Variants in KHDRBS3 observed in about 807,000 individuals in gnomAD.
The protein encoded by KHDRBS3 is KH domain-containing, RNA-binding, signal transduction-associated protein 3.
KHDRBS3 carries 23 observed loss-of-function variants against 45.6 expected under a neutral mutation model. The ratio of observed to expected loss-of-function variants is 0.50; its 90% CI spans 0.36 to 0.72. KHDRBS3 has a LOEUF of 0.72. Among genes scored for constraint, KHDRBS3 ranks in the 30% least tolerant of loss-of-function variants. KHDRBS3 has a pLI of 0.00. For synonymous variants in KHDRBS3, 162 were observed against 156.5 expected (o/e 1.04, Z -0.26); for missense variants, 352 against 424.8 (o/e 0.83, Z 1.51).
At chr8:135,629,717 T>C (rs777187413) in intron 7 of KHDRBS3, among the ~76,000 whole-genome samples, 1 of 152,176 alleles carries the variant, frequency 6.6e-6, no homozygotes, top group Non-Finnish European at 1.5e-5. Context: ...GGAGAGGCAT[T>C]GGATTGAGGT....
intron 7 of KHDRBS3, among the ~76,000 whole-genome samples, chr8:135,624,937 G>A (rs927372150): frequency 6.6e-5 from 10 of 152,014 alleles, no homozygotes; most frequent in African/African-American, 2.2e-4. Flanking sequence ...TGAGCCCCAC[G>A]GTCAGCCTCT....
intron 3 of KHDRBS3, among the ~76,000 whole-genome samples, chr8:135,547,473 C>T (rs779312895): frequency 6.6e-6 from 1 of 152,174 alleles, no homozygotes; most frequent in African/African-American, 2.4e-5. Context: ...TACATACAGT[C>T]TGTCTAAACT....
intron 2 of KHDRBS3, among the ~76,000 whole-genome samples, chr8:135,537,592 T>C (rs1411302743): frequency 6.6e-5 from 10 of 152,202 alleles, no homozygotes; most frequent in African/African-American, 2.4e-4. Flanking sequence ...TATGTGACTT[T>C]TCCTGATTAG....
intron 6 of KHDRBS3, among the ~76,000 whole-genome samples, chr8:135,592,336 G>T (rs551611571): frequency 1.3e-5 from 2 of 152,010 alleles, no homozygotes; most frequent in African/African-American, 2.4e-5. Flanking sequence ...TGTCATTAAG[G>T]CATGGAAAGC....
At chr8:135,585,601 A>G (rs1272576367) in intron 6 of KHDRBS3, among the ~76,000 whole-genome samples, 1 of 152,186 alleles carries the variant, frequency 6.6e-6, no homozygotes, top group Non-Finnish European at 1.5e-5. Context: ...GTTTTTAAAA[A>G]TTGTCTCCTG....
intron 1 of KHDRBS3, among the ~76,000 whole-genome samples, chr8:135,506,742 G>A (rs1029230500): frequency 1.3e-5 from 2 of 152,092 alleles, no homozygotes; most frequent in Admixed American, 6.5e-5. Flanking sequence ...TCCATCCTTG[G>A]TCAAATTTAT....
intron 2 of KHDRBS3, chr8:135,539,904 C>G (rs1179606469): frequency 6.6e-6 from 1 of 152,082 alleles, no homozygotes; most frequent in Non-Finnish European, 1.5e-5. Context: ...CAATAAAATG[C>G]TTTTTCTTTT....
chr8:135,540,876 A>T (rs1826015386), intron 2 of KHDRBS3: 1 of 152,236 alleles, frequency 6.6e-6, no homozygotes, highest in African/African-American at 2.4e-5. Flanking sequence ...ATAGTAGAGG[A>T]TTACCAGACA....
intron 1 of KHDRBS3, among the ~76,000 whole-genome samples, chr8:135,495,231 G>GCCTTCTGTGTTCTGCCAAA (rs1279935005): frequency 6.6e-6 from 1 of 152,118 alleles, no homozygotes; most frequent in Non-Finnish European, 1.5e-5. Context: ...AGCATTTCTT[G>GCCTTCTGTGTTCTGCCAAA]GGTCTCATCT....
intron 7 of KHDRBS3, chr8:135,625,504 G>A (rs1458254046): frequency 5.0e-6 from 4 of 804,744 alleles, no homozygotes; most frequent in African/African-American, 3.4e-5. Context: ...TGGGCCTCAG[G>A]GGAGCTGCAC....
intron 1 of KHDRBS3, among the ~76,000 whole-genome samples, chr8:135,497,743 T>C (rs1823530473): frequency 6.6e-6 from 1 of 152,202 alleles, no homozygotes; most frequent in Admixed American, 6.5e-5. Context: ...AGTTATTTAA[T>C]TTTTTTCAGT....
intron 1 of KHDRBS3, among the ~76,000 whole-genome samples, chr8:135,520,607 A>T (rs1824857263): frequency 6.6e-6 from 1 of 152,178 alleles, no homozygotes; most frequent in African/African-American, 2.4e-5. Flanking sequence ...TTGCCACCCC[A>T]TTGAGGAAAG....
intron 1 of KHDRBS3, among the ~76,000 whole-genome samples, chr8:135,474,049 C>G (rs534362587): frequency 6.6e-6 from 1 of 152,092 alleles, no homozygotes; most frequent in African/African-American, 2.4e-5. Flanking sequence ...ATAGACCATA[C>G]GAGGAATTAG....
chr8:135,583,937 A>G (rs1828333878), intron 6 of KHDRBS3, among the ~76,000 whole-genome samples: 1 of 152,182 alleles, frequency 6.6e-6, no homozygotes, highest in South Asian at 2.1e-4. Flanking sequence ...TGTTTTATTT[A>G]TTTTTTATTT....
intron 5 of KHDRBS3, among the ~76,000 whole-genome samples, chr8:135,562,699 T>C (rs1827226087): frequency 6.6e-6 from 1 of 152,204 alleles, no homozygotes; most frequent in Admixed American, 6.5e-5. Flanking sequence ...AACGTACGTA[T>C]TACAACATTC....
chr8:135,595,183 G>A (rs965081323), intron 6 of KHDRBS3, among the ~76,000 whole-genome samples: 19 of 152,256 alleles, frequency 1.2e-4, no homozygotes, highest in African/African-American at 4.3e-4. Context: ...AGTCAGGATG[G>A]TGGTTACTTT....
At position 135,500,454 on chromosome 8, in the gene KHDRBS3, C is replaced by T. The variant is rs796094663; in HGVS notation, c.89-20783C>T. 7.9e-5 allele frequency among the ~76,000 whole-genome samples: 12 copies of T among 152,074 alleles called. 1 individual carries two copies. Among genetic ancestry groups the T allele is most frequent in the African/African-American group, 2.7e-4 (11 of 41,492 alleles). Reference sequence around the variant, plus strand: ...GACAATGGAAGTAGTTTTTTAAATGCGAGAACAGAGGCTACTCTGAAGAGG... The same window carrying T: ...GACAATGGAAGTAGTTTTTTAAATGTGAGAACAGAGGCTACTCTGAAGAGG... On this transcript the variant is annotated intron_variant, in intron 1 of 8. Transcript: ENST00000355849.
intron 7 of KHDRBS3, among the ~76,000 whole-genome samples, chr8:135,638,880 G>A (rs1323408798): frequency 6.6e-6 from 1 of 151,262 alleles, no homozygotes; most frequent in African/African-American, 2.4e-5. Context: ...AGAATTGCTT[G>A]AACCTGGGAG....
intron 7 of KHDRBS3, among the ~76,000 whole-genome samples, chr8:135,616,085 C>G (rs1276901083): frequency 6.6e-6 from 1 of 152,160 alleles, no homozygotes; most frequent in African/African-American, 2.4e-5. Context: ...AATGAAATAT[C>G]TATTGCGTAC....
Sources: gnomAD v4.1 joint callset for allele counts (sites outside exome capture counted in the v4.1 genomes callset) on GRCh38, gnomAD v4.1.1 for gene constraint, MANE v1.5 for transcripts, NCBI Gene and HGNC (gene_info 2026-07-23, HGNC 2026-07-21) for gene names.